Variants in TCF7L2 observed in about 807,000 individuals in gnomAD.
The protein encoded by TCF7L2 is transcription factor 7 like 2.
In TCF7L2, 23 loss-of-function variants were observed where a neutral mutation model predicts 77.9. That is an observed-to-expected ratio of 0.30 (90% CI 0.21 to 0.42). TCF7L2 has a LOEUF of 0.42. Among genes scored for constraint, TCF7L2 ranks in the 10% least tolerant of loss-of-function variants. TCF7L2 has a pLI of 1.00. For synonymous variants in TCF7L2, 413 were observed against 340.2 expected, an observed-to-expected ratio of 1.21 and a Z score of -2.36; for missense variants, 654 against 793.1, an observed-to-expected ratio of 0.82 and a Z score of 2.11.
chr10:113,155,097 C>T (rs555771592), intron 11 of TCF7L2, among the ~76,000 whole-genome samples: 1 of 151,352 alleles, frequency 6.6e-6, no homozygotes, highest in African/African-American at 2.4e-5. Flanking sequence ...TCTCATGGCT[C>T]TTTCACATTC....
At chr10:113,083,565 G>A (rs1225653214) in intron 5 of TCF7L2, among the ~76,000 whole-genome samples, 1 of 152,168 alleles carries the variant, frequency 6.6e-6, no homozygotes, top group Non-Finnish European at 1.5e-5. Context: ...ATCTTCAGAG[G>A]TGAGAATTAT....
At position 112,951,503 on chromosome 10, in the gene TCF7L2, G is replaced by T. The variant is rs750172202; in HGVS notation, c.277G>T (p.Gly93Trp). 7.0e-7 allele frequency: 1 copy of T among 1,435,928 alleles called. No individual in the cohort carries two copies. The highest frequency in any genetic ancestry group is 9.3e-7 in the Non-Finnish European group (1 of 1,072,700). The allele number at this position is 1,435,928 out of a possible 1,614,324, so 88.9% of individuals were successfully genotyped here. Reference sequence around the variant, plus strand: ...GTTAGCGGCCAAGAGGCAAGATGGAGGGCTCTTTAAGGGGCCACCGTATCC... The same window carrying T: ...GTTAGCGGCCAAGAGGCAAGATGGATGGCTCTTTAAGGGGCCACCGTATCC... The change falls in exon 3 of 14, where the codon GGG becomes TGG. Residue 93 changes from glycine to tryptophan, a missense_variant. Physicochemically the swap from Gly to Trp is radical, Grantham distance 184. Around this residue, in one of 6 missense-constraint regions of TCF7L2, gnomAD observed 132 missense variants for 123.7 expected, o/e 1.07. Coordinates refer to ENST00000627217, the MANE Select transcript of TCF7L2 (RefSeq NM_001146274.2).
intron 3 of TCF7L2, 23 bp downstream of exon 3, chr10:112,951,630 C>G: frequency 8.8e-7 from 1 of 1,141,240 alleles, no homozygotes. Flanking sequence ...GCGCCCGGCC[C>G]CCGCCCGCTG....
intron 3 of TCF7L2, among the ~76,000 whole-genome samples, chr10:112,958,771 C>T (rs2034331661): frequency 6.6e-6 from 1 of 152,072 alleles, no homozygotes; most frequent in African/African-American, 2.4e-5. Flanking sequence ...AAATAAAAGG[C>T]ACTATGTTGT....
At chr10:112,978,139 C>T (rs1264573505) in intron 4 of TCF7L2, among the ~76,000 whole-genome samples, 2 of 152,124 alleles carry the variant, frequency 1.3e-5, no homozygotes, top group Non-Finnish European at 2.9e-5. Context: ...TATCTTGGGG[C>T]ATTTGATTCT....
At chr10:113,154,356 T>C (rs2071399555) in intron 11 of TCF7L2, among the ~76,000 whole-genome samples, 1 of 152,206 alleles carries the variant, frequency 6.6e-6, no homozygotes. Context: ...AGCTTCTACC[T>C]GCTACAGACC....
At chr10:113,153,485 A>G (rs1182740848) in intron 11 of TCF7L2, among the ~76,000 whole-genome samples, 3 of 152,178 alleles carry the variant, frequency 2.0e-5, no homozygotes, top group Admixed American at 2.0e-4. Context: ...TGACTCTCCC[A>G]CTGGCATCAT....
chr10:113,075,805 C>T (rs1332153589), intron 5 of TCF7L2, among the ~76,000 whole-genome samples: 3 of 152,150 alleles, frequency 2.0e-5, no homozygotes, highest in African/African-American at 7.2e-5. Flanking sequence ...TAGTTTTCCA[C>T]TTACCTAATA....
intron 5 of TCF7L2, among the ~76,000 whole-genome samples, chr10:113,123,174 A>G (rs565843337): frequency 6.6e-5 from 10 of 152,322 alleles, no homozygotes; most frequent in Non-Finnish European, 1.5e-4. Flanking sequence ...AATAAGTTTC[A>G]AAGTCGGAGA....
chr10:113,061,970 ACCG>A (rs2056521258), intron 5 of TCF7L2, among the ~76,000 whole-genome samples: 1 of 152,188 alleles, frequency 6.6e-6, no homozygotes, highest in Admixed American at 6.5e-5. Context: ...AGAGGCAAAC[ACCG>A]TCATTCTACA....
chr10:112,964,710 AGATAATGAT>A lies in TCF7L2; in HGVS notation c.450+90_450+98del, dbSNP rs1458461454. Reference sequence around the variant, plus strand: ...TATTCTCCGCCCCTTCCCCCAACTGAGATAATGATGATGATGATGATGATGATGATGGTG... The same window carrying A: ...TATTCTCCGCCCCTTCCCCCAACTGAGATGATGATGATGATGATGATGGTG... On this transcript the variant is annotated intron_variant, in intron 4 of 13. Transcript: ENST00000627217. 5.1e-6 allele frequency: 5 copies of A among 983,230 alleles called. No homozygotes were observed. In the African/African-American group the frequency reaches 6.3e-5, roughly 12 times the overall value. 60.9% of individuals were successfully genotyped at this position (983,230 alleles called of 1,614,324 possible). A position where few individuals can be genotyped will look rare whatever the true frequency, so the allele number is the denominator to read the frequency against.
chr10:113,049,427 C>A (rs1333088554), intron 5 of TCF7L2, among the ~76,000 whole-genome samples: 1 of 152,050 alleles, frequency 6.6e-6, no homozygotes. Flanking sequence ...CACATTCAAC[C>A]CATCAGCCCA....
chr10:113,161,938 C>A (rs776707724), intron 13 of TCF7L2, among the ~76,000 whole-genome samples: 1 of 152,174 alleles, frequency 6.6e-6, no homozygotes. Flanking sequence ...GAGGAACTCC[C>A]CAGGCATTCT....
chr10:112,960,477 C>G (rs2034781883), intron 3 of TCF7L2, among the ~76,000 whole-genome samples: 1 of 152,102 alleles, frequency 6.6e-6, no homozygotes, highest in Admixed American at 6.6e-5. Flanking sequence ...TTGTTGAGAG[C>G]TTCATGGGAA....
chr10:113,165,453 G>T, intron 13 of TCF7L2, 102 bp from the exon 15 acceptor site: 8 of 1,312,474 alleles, frequency 6.1e-6, no homozygotes, highest in Non-Finnish European at 8.6e-6. Flanking sequence ...ACCTCTGTGG[G>T]ACATCCCTTA....
At chr10:113,093,759 A>G (rs1225147151) in intron 5 of TCF7L2, among the ~76,000 whole-genome samples, 2 of 152,192 alleles carry the variant, frequency 1.3e-5, no homozygotes, top group Non-Finnish European at 2.9e-5. Flanking sequence ...TGAGGCTATT[A>G]ACATGTTTAA....
chr10:113,072,715 G>A (rs903736490), intron 5 of TCF7L2, among the ~76,000 whole-genome samples: 8 of 152,172 alleles, frequency 5.3e-5, no homozygotes, highest in African/African-American at 2.4e-5. Flanking sequence ...GTGCATGCTT[G>A]GGAAACTGGC....
chr10:113,013,267 C>T (rs148685111), intron 4 of TCF7L2, among the ~76,000 whole-genome samples: 10 of 152,140 alleles, frequency 6.6e-5, no homozygotes, highest in South Asian at 2.1e-4. Context: ...TACAGGCGTG[C>T]GCCCCCACAC....
chr10:113,145,875 C>G lies in TCF7L2; in HGVS notation c.789-136C>G, dbSNP rs910740317. On this transcript the variant is annotated intron_variant, in intron 7 of 13. Coordinates refer to ENST00000627217, the MANE Select transcript of TCF7L2 (RefSeq NM_001146274.2). The stretch of plus-strand genomic sequence containing the variant: ...TTTCTTCCCTTTGATCCTTCCTGTA[C>G]AATCCCCAAGATTTTTGTTCTGATC... The G allele has an allele frequency of 2.9e-5, 21 of 717,460 alleles. No homozygotes were observed. In the East Asian group the frequency reaches 5.0e-4, roughly 17 times the overall value. 44.4% of individuals were successfully genotyped at this position (717,460 alleles called of 1,614,324 possible). A position where few individuals can be genotyped will look rare whatever the true frequency, so the allele number is the denominator to read the frequency against.
Sources: allele counts gnomAD v4.1 joint callset (sites outside exome capture counted in the v4.1 genomes callset), GRCh38; gene constraint gnomAD v4.1.1; regional missense constraint gnomAD v4.1.1; transcripts MANE v1.5; gene names NCBI Gene and HGNC (gene_info 2026-07-23, HGNC 2026-07-21).